The following SNTG2 variants were observed in gnomAD, a reference collection of about 807,000 sequenced individuals.
SNTG2 encodes the protein syntrophin gamma 2.
Under a neutral mutation model 70.9 loss-of-function variants are expected in SNTG2, and 74 were observed. That is an observed-to-expected ratio of 1.04 (90% confidence interval 0.86 to 1.27). SNTG2 has a LOEUF of 1.27. Among genes scored for constraint, SNTG2 ranks in the 50% most tolerant of loss-of-function variants. SNTG2 has a pLI of 0.00. For missense variants in SNTG2, 717 were observed against 690.7 expected (o/e 1.04, Z -0.43); for synonymous variants, 278 against 273.8 (o/e 1.02, Z -0.15).
intron 8 of SNTG2, among the ~76,000 whole-genome samples, chr2:1,185,978 A>T (rs912109584): frequency 6.6e-6 from 1 of 152,136 alleles, no homozygotes. Context: ...CCTTCTATAT[A>T]AGTTCTACTT....
Position 1,077,962 on chromosome 2 carries a change from G to A in SNTG2, c.73-5556G>A, listed in dbSNP as rs534761851. Among the ~76,000 whole-genome samples the A allele has an allele frequency of 5.3e-5, 8 of 152,256 alleles. No homozygotes were observed. The South Asian group carries it at 1.7e-3, about 32-fold the overall frequency. On this transcript the variant is annotated intron_variant, in intron 1 of 16. Transcript: ENST00000308624. Reference sequence around the variant, plus strand: ...GGTTCACGGCCCTCACTGTTTTGCGGCTGCTGTGGCATCGTGGTGGATTTT... The same window carrying A: ...GGTTCACGGCCCTCACTGTTTTGCGACTGCTGTGGCATCGTGGTGGATTTT...
intron 2 of SNTG2, among the ~76,000 whole-genome samples, chr2:1,087,582 C>A (rs1664764879): frequency 6.6e-6 from 1 of 152,080 alleles, no homozygotes; most frequent in Admixed American, 6.5e-5. Context: ...ATCTTTACAA[C>A]TGTGCAAATG....
intron 8 of SNTG2, among the ~76,000 whole-genome samples, chr2:1,189,385 A>C (rs1672437986): frequency 7.5e-6 from 1 of 133,614 alleles, no homozygotes. Context: ...ACAGTTCTCA[A>C]CATATTTGTA....
At chr2:1,015,000 C>T (rs1255238227) in intron 1 of SNTG2, among the ~76,000 whole-genome samples, 1 of 152,110 alleles carries the variant, frequency 6.6e-6, no homozygotes, top group Non-Finnish European at 1.5e-5. Context: ...GGCTGGGCTG[C>T]ATGTGGCTGG....
intron 14 of SNTG2, among the ~76,000 whole-genome samples, chr2:1,306,222 G>A (rs971267715): frequency 6.6e-6 from 1 of 152,120 alleles, no homozygotes. Context: ...TGCCAACAGT[G>A]TGTAGAGTAT....
intron 1 of SNTG2, among the ~76,000 whole-genome samples, chr2:1,023,064 G>C (rs1326264831): frequency 6.6e-6 from 1 of 152,188 alleles, no homozygotes; most frequent in Non-Finnish European, 1.5e-5. Context: ...CACCAGGAAA[G>C]AGGATTTTTT....
At chr2:1,073,741 A>T (rs1663732968) in intron 1 of SNTG2, among the ~76,000 whole-genome samples, 1 of 152,126 alleles carries the variant, frequency 6.6e-6, no homozygotes, top group African/African-American at 2.4e-5. Flanking sequence ...TTTTTCCCTT[A>T]AATGTTTTTG....
At chr2:1,255,841 T>TAAATATATAA (rs1678034838) in intron 12 of SNTG2, among the ~76,000 whole-genome samples, 1 of 41,254 alleles carries the variant, frequency 2.4e-5, no homozygotes, top group Non-Finnish European at 3.9e-5. Context: ...TAAATATATA[T>TAAATATATAA]AAATATATAT....
intron 16 of SNTG2, among the ~76,000 whole-genome samples, chr2:1,331,836 C>G (rs569977415): frequency 6.6e-6 from 1 of 152,324 alleles, no homozygotes; most frequent in East Asian, 1.9e-4. Flanking sequence ...TAAGATCTCT[C>G]ATTGCATGTT....
Position 1,028,267 on chromosome 2 carries a change from T to C in SNTG2, c.73-55251T>C, listed in dbSNP as rs868028652. ...CGTCTGACCCACAGACACTACCCAG[T>C]AAGTAACTCATGCATCTCTGTTGAG... On this transcript the variant is annotated intron_variant, in intron 1 of 16. Transcript: ENST00000308624. Among the ~76,000 whole-genome samples, 639 of 115,996 alleles carry C rather than the reference T, an allele frequency of 5.5e-3. No homozygotes were observed. The Middle Eastern group carries it at 0.061, about 11-fold the overall frequency. 76.1% of individuals were successfully genotyped at this position (115,996 alleles called of 152,430 possible).
At chr2:1,078,210 G>T (rs1321631379) in intron 1 of SNTG2, among the ~76,000 whole-genome samples, 1 of 152,316 alleles carries the variant, frequency 6.6e-6, no homozygotes, top group Middle Eastern at 3.4e-3. Flanking sequence ...GTAGAAGCTG[G>T]TCCCCCTGAA....
chr2:1,034,032 T>C (rs1192488099), intron 1 of SNTG2, among the ~76,000 whole-genome samples: 1 of 110,722 alleles, frequency 9.0e-6, no homozygotes, highest in Non-Finnish European at 1.8e-5. Context: ...TGCAGGTTTG[T>C]ATATGGGTAA....
rs575766562 is a variant in SNTG2, at chr2:1,119,577, A to T, written c.326-18045A>T. Among the ~76,000 whole-genome samples the T allele has an allele frequency of 2.8e-4, 42 of 151,890 alleles. No homozygotes were observed. In the East Asian group the frequency reaches 7.9e-3, roughly 29 times the overall value. On this transcript the variant is annotated intron_variant, in intron 4 of 16. Transcript: ENST00000308624. ...GTTTTTTTTTTTTTTGTATAAAAAA[A>T]TGTAAGTTGTCTGCAGCTTAAAATA...
chr2:1,358,787 C>T (rs1461955204), intron 16 of SNTG2, among the ~76,000 whole-genome samples: 1 of 152,134 alleles, frequency 6.6e-6, no homozygotes, highest in Non-Finnish European at 1.5e-5. Context: ...CTGGAGAATG[C>T]TCCTGTACAC....
chr2:1,169,184 A>T (rs899171209), intron 7 of SNTG2, among the ~76,000 whole-genome samples: 30 of 152,200 alleles, frequency 2.0e-4, no homozygotes, highest in African/African-American at 7.2e-4. Flanking sequence ...AAGACTTTTC[A>T]TAGATTTTTG....
Position 1,173,181 on chromosome 2 carries a change from A to C in SNTG2, c.589A>C (p.Thr197Pro). 1.2e-6 allele frequency: 2 copies of C among 1,613,518 alleles called. No homozygotes were observed. Among genetic ancestry groups the C allele is most frequent in the South Asian group, 2.2e-5 (2 of 91,040 alleles). The stretch of plus-strand genomic sequence containing the variant: ...GCATCTGAACGGAAACTCCAGTACC[A>C]CAGTAAGCATATAGATTTTTGTTAA... ...GLHLNGNSSTTAPSSPSSPIA... is the reference protein window; with the variant it reads ...GLHLNGNSSTPAPSSPSSPIA... The change falls in exon 8 of 17, where the codon ACA becomes CCA. Residue 197 changes from threonine to proline, a missense_variant and splice_region_variant. Thr to Pro is a conservative substitution (Grantham distance 38). Coordinates refer to ENST00000308624, the MANE Select transcript of SNTG2 (RefSeq NM_018968.4).
chr2:999,459 A>G (rs547693082), intron 1 of SNTG2, among the ~76,000 whole-genome samples: 68 of 152,188 alleles, frequency 4.5e-4, no homozygotes, highest in African/African-American at 1.6e-3. Context: ...AAAATATTCC[A>G]TGCAAAGGAC....
At chr2:1,231,971 A>G (rs1212495822) in intron 9 of SNTG2, among the ~76,000 whole-genome samples, 1 of 152,162 alleles carries the variant, frequency 6.6e-6, no homozygotes, top group Non-Finnish European at 1.5e-5. Flanking sequence ...GGACGTGCAC[A>G]GCATTCCTGA....
At chr2:1,117,222 A>G (rs756842767) in intron 4 of SNTG2, among the ~76,000 whole-genome samples, 7 of 152,108 alleles carry the variant, frequency 4.6e-5, no homozygotes, top group Non-Finnish European at 1.0e-4. Flanking sequence ...AAGATGATTG[A>G]GTCTTTTTCT....
Sources: gnomAD v4.1 joint callset for allele counts (sites outside exome capture counted in the v4.1 genomes callset) on GRCh38, gnomAD v4.1.1 for gene constraint, MANE v1.5 for transcripts, NCBI Gene and HGNC (gene_info 2026-07-23, HGNC 2026-07-21) for gene names.